Variants in PARM1 observed in about 807,000 individuals in gnomAD.
PARM1 encodes prostate androgen-regulated mucin-like protein 1, also known as WSC4, cell wall integrity and stress response component 4 homolog.
A neutral mutation model predicts 24.6 loss-of-function variants in PARM1; 14 were observed. The ratio of observed to expected loss-of-function variants is 0.57; its 90% CI spans 0.38 to 0.89. The LOEUF (loss-of-function observed/expected upper bound fraction) is 0.89. Among genes scored for constraint, PARM1 ranks in the 40% least tolerant of loss-of-function variants. The pLI is 0.00. For missense variants in PARM1, 362 were observed against 380.4 expected, an observed-to-expected ratio of 0.95 and a Z score of 0.40; for synonymous variants, 179 against 156.6, an observed-to-expected ratio of 1.14 and a Z score of -1.07.
intron 2 of PARM1, among the ~76,000 whole-genome samples, chr4:75,020,497 C>A (rs543229521): frequency 7.9e-5 from 12 of 152,110 alleles, no homozygotes; most frequent in South Asian, 2.1e-4. Context: ...TCATTTCCCC[C>A]CCCCCGCACC....
chr4:74,942,902 G>C (rs886506565), intron 1 of PARM1, among the ~76,000 whole-genome samples: 2 of 152,104 alleles, frequency 1.3e-5, no homozygotes, highest in African/African-American at 4.8e-5. Flanking sequence ...CAAAATCTTA[G>C]AGTGACCATC....
intron 1 of PARM1, among the ~76,000 whole-genome samples, chr4:75,003,709 T>C (rs2109788572): frequency 6.6e-6 from 1 of 152,332 alleles, no homozygotes; most frequent in East Asian, 1.9e-4. Context: ...AATGGTTTTG[T>C]AGATGTTAGA....
rs943525067 is a variant in PARM1 at position 75,013,064 on chromosome 4, A to G, written c.683A>G (p.Lys228Arg). 6.2e-7 allele frequency: 1 copy of G among 1,614,016 alleles called. No homozygotes were observed. The highest frequency in any genetic ancestry group is 2.2e-5 in the East Asian group (1 of 44,886). Residue 228 changes from lysine to arginine, a missense_variant, in exon 2 of 4, where the codon AAA (lysine) becomes AGA (arginine). Physicochemically the swap from Lys to Arg is conservative, Grantham distance 26. Coordinates refer to ENST00000307428, the MANE Select transcript of PARM1 (RefSeq NM_015393.4). ...EKTPPTTVSG[K>R]VMCELIDMET... ...ACACCCCCAACAACTGTGTCAGGCA[A>G]AGTGATGTGTGAGCTCATAGACATG...
rs1722104813 is a variant in PARM1 at position 74,974,620 on chromosome 4, G to A, written c.44-37805G>A. On this transcript the variant is annotated intron_variant, in intron 1 of 3. Transcript: ENST00000307428. ...AGTAGAGAAAGGTAAATATGTGAAT[G>A]CACATGTTATTGTGACCTCCCAAAC... Among the ~76,000 whole-genome samples the A allele has an allele frequency of 2.6e-5, 4 of 152,342 alleles. No individual in the cohort carries two copies. The South Asian group carries it at 6.2e-4, about 24-fold the overall frequency.
intron 3 of PARM1, among the ~76,000 whole-genome samples, chr4:75,041,484 G>A (rs909480477): frequency 6.6e-6 from 1 of 152,140 alleles, no homozygotes; most frequent in Admixed American, 6.5e-5. Flanking sequence ...AGGGCTTTGT[G>A]GGGCATAGTC....
At chr4:74,942,526 A>G (rs997612566) in intron 1 of PARM1, among the ~76,000 whole-genome samples, 1 of 152,258 alleles carries the variant, frequency 6.6e-6, no homozygotes, top group Non-Finnish European at 1.5e-5. Flanking sequence ...CCTTCTCCAT[A>G]TCAATGAATG....
chr4:75,012,363 C>G, intron 1 of PARM1, 62 bp from the exon 2 acceptor site: 1 of 1,542,830 alleles, frequency 6.5e-7, no homozygotes, highest in South Asian at 1.2e-5. Flanking sequence ...AAAGCCTTGC[C>G]TCTATTTCAC....
At chr4:74,976,767 T>A (rs1316619403) in intron 1 of PARM1, among the ~76,000 whole-genome samples, 4 of 152,180 alleles carry the variant, frequency 2.6e-5, no homozygotes, top group Admixed American at 1.3e-4. Context: ...TGTTTGCTGT[T>A]CTGCAGTCTC....
At chr4:74,998,753 T>A (rs1159286000) in intron 1 of PARM1, among the ~76,000 whole-genome samples, 2 of 152,234 alleles carry the variant, frequency 1.3e-5, no homozygotes, top group Non-Finnish European at 2.9e-5. Context: ...AATAATTGAC[T>A]TCCCTTCTCT....
intron 1 of PARM1, among the ~76,000 whole-genome samples, chr4:74,999,669 A>G (rs890523732): frequency 2.0e-5 from 3 of 152,246 alleles, no homozygotes; most frequent in African/African-American, 7.2e-5. Flanking sequence ...AAAGATATTT[A>G]AGAAGTAAAC....
At chr4:74,991,061 A>T (rs567139152) in intron 1 of PARM1, among the ~76,000 whole-genome samples, 1 of 152,304 alleles carries the variant, frequency 6.6e-6, no homozygotes, top group South Asian at 2.1e-4. Flanking sequence ...ACATGTGCAT[A>T]GCACTGTATT....
At chr4:74,971,313 C>T (rs1397680131) in intron 1 of PARM1, among the ~76,000 whole-genome samples, 1 of 152,184 alleles carries the variant, frequency 6.6e-6, no homozygotes, top group Non-Finnish European at 1.5e-5. Flanking sequence ...TATTCACTCT[C>T]ATGAGAACAG....
intron 1 of PARM1, among the ~76,000 whole-genome samples, chr4:74,959,893 AAAC>A (rs1208860768): frequency 2.6e-5 from 4 of 152,254 alleles, no homozygotes; most frequent in African/African-American, 9.6e-5. Context: ...TTCCCCATCT[AAAC>A]AACAATTGCA....
intron 2 of PARM1, among the ~76,000 whole-genome samples, chr4:75,017,358 T>A (rs998524558): frequency 6.6e-6 from 1 of 152,132 alleles, no homozygotes; most frequent in African/African-American, 2.4e-5. Context: ...ACTCTCACCC[T>A]CAGACACACT....
chr4:75,036,753 A>G (rs1368693458), intron 3 of PARM1, among the ~76,000 whole-genome samples: 2 of 152,216 alleles, frequency 1.3e-5, no homozygotes, highest in East Asian at 3.8e-4. Context: ...CGTTCAGAGC[A>G]CCAGATAAAT....
intron 1 of PARM1, among the ~76,000 whole-genome samples, chr4:74,971,167 AC>A (rs1435132913): frequency 6.6e-6 from 1 of 152,216 alleles, no homozygotes; most frequent in African/African-American, 2.4e-5. Context: ...TAATGGACTC[AC>A]AGTTCCACAT....
chr4:74,964,598 TTTTG>T (rs1374808025), intron 1 of PARM1, among the ~76,000 whole-genome samples: 1 of 149,816 alleles, frequency 6.7e-6, no homozygotes, highest in Non-Finnish European at 1.5e-5. Flanking sequence ...TTCCTTGATC[TTTTG>T]TTTATGATTC....
chr4:74,963,850 G>A lies in PARM1; in HGVS notation c.43+30480G>A, dbSNP rs142316280. ...TTATAAAATTTACAAATCTTTCTAC[G>A]TGCCAAAAAATAAAAATAAAAATGG... is the stretch of plus-strand genomic sequence containing the variant. On this transcript the variant is annotated intron_variant, in intron 1 of 3. Transcript: ENST00000307428. Among the ~76,000 whole-genome samples, 1,123 of 152,092 alleles carry A rather than the reference G, an allele frequency of 7.4e-3. 11 individuals are homozygous for A. Among genetic ancestry groups the A allele is most frequent in the Non-Finnish European group, 8.8e-3 (599 of 67,994 alleles).
At chr4:74,934,183 C>G (rs2109977087) in intron 1 of PARM1, among the ~76,000 whole-genome samples, 1 of 152,050 alleles carries the variant, frequency 6.6e-6, no homozygotes, top group East Asian at 1.9e-4. Context: ...TTGGCGGGGA[C>G]CGGGGAGAGA....
Sources: gnomAD v4.1 joint callset for allele counts (sites outside exome capture counted in the v4.1 genomes callset) on GRCh38, gnomAD v4.1.1 for gene constraint, MANE v1.5 for transcripts, NCBI Gene and HGNC (gene_info 2026-07-23, HGNC 2026-07-21) for gene names.